The following GSPT1 variants were observed in gnomAD, a reference collection of about 807,000 sequenced individuals.
GSPT1 encodes the protein eukaryotic peptide chain release factor GTP-binding subunit ERF3A.
In GSPT1, 20 loss-of-function variants were observed where a neutral mutation model predicts 72.5. The ratio of observed to expected loss-of-function variants is 0.28; its 90% CI spans 0.19 to 0.40. GSPT1 has a LOEUF of 0.40. Ranked by LOEUF, GSPT1 falls within the 10% of genes least tolerant of loss-of-function variation. The probability of loss-of-function intolerance (pLI) is 1.00; values close to 1 mark genes in which losing one functional copy is unlikely to be tolerated. For missense variants in GSPT1, 580 were observed against 811.9 expected (o/e 0.71, Z 3.47); for synonymous variants, 334 against 293.5 (o/e 1.14, Z -1.41).
In GSPT1 at chr16:11,871,724, G is replaced by C. The variant is rs2053982117; in HGVS notation, c.*1395C>G. 1 of 152,150 alleles carries C rather than the reference G, an allele frequency of 6.6e-6. No individual in the cohort carries two copies. 9.4% of individuals were successfully genotyped at this position (152,150 alleles called of 1,614,324 possible). A position where few individuals can be genotyped will look rare whatever the true frequency, so the allele number is the denominator to read the frequency against. On this transcript the variant is annotated 3_prime_UTR_variant, in exon 15 of 15. Transcript: ENST00000434724. The stretch of plus-strand genomic sequence containing the variant: ...TTTAGAGAGAAATCACAATCTAAAA[G>C]AGGCTATCTTTGATCAATGGCAACA...
intron 1 of GSPT1, chr16:11,908,068 C>A (rs977436232): frequency 1.3e-5 from 2 of 151,546 alleles, no homozygotes; most frequent in African/African-American, 4.9e-5. Flanking sequence ...ATGGCAAAGC[C>A]CCGTCTCTAC....
At chr16:11,885,759 G>C (rs1021791534) in intron 9 of GSPT1, among the ~76,000 whole-genome samples, 1 of 152,110 alleles carries the variant, frequency 6.6e-6, no homozygotes, top group African/African-American at 2.4e-5. Flanking sequence ...GGGTGCGGTG[G>C]CATGTGCCTA....
rs2053981461 is a variant in GSPT1, at chr16:11,871,670, A to T, written c.*1449T>A. On this transcript the variant is annotated 3_prime_UTR_variant, in exon 15 of 15. Transcript: ENST00000434724. ...TGAGGAGCAAAATTATAGGGAAGAGACTTGTCATTAAATATACAAAGTATC... is the reference window on the plus strand; with the variant it reads ...TGAGGAGCAAAATTATAGGGAAGAGTCTTGTCATTAAATATACAAAGTATC... 1 of 152,204 alleles carries T rather than the reference A, an allele frequency of 6.6e-6. No homozygotes were observed. Among genetic ancestry groups the T allele is most frequent in the South Asian group, 2.1e-4 (1 of 4,830 alleles). The allele number at this position is 152,204 out of a possible 1,614,324, so 9.4% of individuals were successfully genotyped here. A position where few individuals can be genotyped will look rare whatever the true frequency, so the allele number is the denominator to read the frequency against.
At chr16:11,904,587 T>C (rs1311516842) in intron 1 of GSPT1, among the ~76,000 whole-genome samples, 1 of 151,954 alleles carries the variant, frequency 6.6e-6, no homozygotes, top group Non-Finnish European at 1.5e-5. Flanking sequence ...TCAAAGGACT[T>C]GAATATGGAG....
At chr16:11,914,583 T>G (rs2054604065) in intron 1 of GSPT1, among the ~76,000 whole-genome samples, 1 of 152,180 alleles carries the variant, frequency 6.6e-6, no homozygotes. Context: ...TTCCAAGCAA[T>G]CTGAATAAGG....
chr16:11,883,809 A>G (rs899975989), intron 10 of GSPT1, among the ~76,000 whole-genome samples: 1 of 151,932 alleles, frequency 6.6e-6, no homozygotes, highest in Non-Finnish European at 1.5e-5. Flanking sequence ...GCTACTCGGA[A>G]GGCTGAGGCA....
rs1447663406 is a variant in GSPT1, at chr16:11,915,036, G to C, written c.352+333C>G. The C allele has an allele frequency of 3.9e-6, 5 of 1,290,708 alleles. No homozygotes were observed. The East Asian group carries it at 2.8e-4, about 71-fold the overall frequency. The allele number at this position is 1,290,708 out of a possible 1,614,324, so 80.0% of individuals were successfully genotyped here. The stretch of plus-strand genomic sequence containing the variant: ...TGTCCTCATTCTGCGCCTCGTGGCA[G>C]GGATCCGCCGCGGCCCCCACTCCGT... On this transcript the variant is annotated intron_variant, in intron 1 of 14. Coordinates refer to ENST00000434724, the MANE Select transcript of GSPT1 (RefSeq NM_002094.4).
At chr16:11,897,018 AT>A (rs1165054686) in intron 3 of GSPT1, among the ~76,000 whole-genome samples, 1 of 152,190 alleles carries the variant, frequency 6.6e-6, no homozygotes, top group Non-Finnish European at 1.5e-5. Context: ...TGAGATTGCT[AT>A]TTTAGCAAAG....
intron 1 of GSPT1, among the ~76,000 whole-genome samples, chr16:11,902,104 C>G (rs1330076343): frequency 6.7e-6 from 1 of 148,550 alleles, no homozygotes; most frequent in Non-Finnish European, 1.5e-5. Context: ...AAAAAAAAGC[C>G]AGGCACGGTG....
intron 12 of GSPT1, among the ~76,000 whole-genome samples, 170 bp from the exon 13 acceptor site, chr16:11,876,345 A>G (rs1474673755): frequency 6.6e-6 from 1 of 152,216 alleles, no homozygotes; most frequent in Non-Finnish European, 1.5e-5. Flanking sequence ...TTTTGTTCAC[A>G]GGATGGGTCA....
intron 5 of GSPT1, among the ~76,000 whole-genome samples, chr16:11,892,524 A>ATAAAAAAT (rs1567443276): frequency 4.0e-4 from 51 of 126,716 alleles, no homozygotes; most frequent in Middle Eastern, 7.6e-3. Flanking sequence ...CAAAAAAAAC[A>ATAAAAAAT]AAAAAAACAA....
intron 1 of GSPT1, among the ~76,000 whole-genome samples, chr16:11,907,154 C>G (rs139423439): frequency 9.2e-5 from 14 of 152,328 alleles, no homozygotes; most frequent in African/African-American, 3.1e-4. Flanking sequence ...GCACTGCCTA[C>G]TTATGACAAA....
chr16:11,877,704 G>T lies in GSPT1; in HGVS notation c.1429-124C>A. On this transcript the variant is annotated intron_variant, in intron 11 of 14. Coordinates refer to ENST00000434724, the MANE Select transcript of GSPT1 (RefSeq NM_002094.4). The surrounding 1 kb of genome is among the most constrained non-coding windows in gnomAD (Gnocchi z 4.0). Reference sequence around the variant, plus strand: ...GATTTGACTGTAAACACTTATGTTTGTATGACATAAAATCTTAGCCTAGAT... The same window carrying T: ...GATTTGACTGTAAACACTTATGTTTTTATGACATAAAATCTTAGCCTAGAT... The T allele has an allele frequency of 3.3e-6, 2 of 602,938 alleles. No individual in the cohort carries two copies. Among genetic ancestry groups the T allele is most frequent in the South Asian group, 2.4e-5 (1 of 41,398 alleles). 37.3% of individuals were successfully genotyped at this position (602,938 alleles called of 1,614,324 possible).
At chr16:11,895,056 A>G (rs1240664292) in intron 4 of GSPT1, 69 bp from the exon 5 acceptor site, 50 of 900,238 alleles carry the variant, frequency 5.6e-5, no homozygotes, top group African/African-American at 9.8e-5. Context: ...TGCAAACAAC[A>G]GCACCCTTTA....
chr16:11,915,332 G>GC, intron 1 of GSPT1, 37 bp downstream of exon 1: 1 of 1,428,668 alleles, frequency 7.0e-7, no homozygotes, highest in Non-Finnish European at 9.1e-7. Flanking sequence ...GGGCTCCGGC[G>GC]CCCGGCCGGA....
Position 11,884,555 on chromosome 16 carries a change from T to C in GSPT1, c.1347+626A>G, listed in dbSNP as rs185755320. Among the ~76,000 whole-genome samples, 553 of 146,464 alleles carry C rather than the reference T, an allele frequency of 3.8e-3. 4 individuals carry two copies. The highest frequency in any genetic ancestry group is 5.9e-3 in the Non-Finnish European group (391 of 66,380). On this transcript the variant is annotated intron_variant, in intron 10 of 14. Coordinates refer to ENST00000434724, the MANE Select transcript of GSPT1 (RefSeq NM_002094.4). ...CGGGCGGATCACCTGAGGTTAGGAG[T>C]TCGAGACCAGCCTGGCCAACATGGT...
chr16:11,903,664 C>G (rs768602302), intron 1 of GSPT1, among the ~76,000 whole-genome samples: 16 of 152,186 alleles, frequency 1.1e-4, no homozygotes, highest in South Asian at 2.1e-4. Context: ...GCACTCCAAC[C>G]TGGACCACGG....
chr16:11,906,158 T>G (rs1266060388), intron 1 of GSPT1, among the ~76,000 whole-genome samples: 1 of 151,928 alleles, frequency 6.6e-6, no homozygotes, highest in Non-Finnish European at 1.5e-5. Flanking sequence ...CTGGGCTCAC[T>G]GCAACCTCCA....
At chr16:11,912,414 C>T (rs2054572367) in intron 1 of GSPT1, among the ~76,000 whole-genome samples, 1 of 150,344 alleles carries the variant, frequency 6.7e-6, no homozygotes, top group African/African-American at 2.4e-5. Context: ...AAATACGGAA[C>T]ACTACAAAAC....
Sources: gnomAD v4.1 joint callset for allele counts (sites outside exome capture counted in the v4.1 genomes callset) on GRCh38, gnomAD v4.1.1 for gene constraint, Gnocchi (gnomAD v3.1) non-coding constraint, MANE v1.5 for transcripts, NCBI Gene and HGNC (gene_info 2026-07-23, HGNC 2026-07-21) for gene names.